LDB2: variants seen among roughly 807,000 people sequenced by gnomAD.
LDB2 encodes LIM domain-binding protein 2.
A neutral mutation model predicts 44.3 loss-of-function variants in LDB2; 12 were observed. That is an observed-to-expected ratio of 0.27 (90% CI 0.17 to 0.44). The LOEUF (loss-of-function observed/expected upper bound fraction) is 0.44, where lower values mean the gene tolerates loss of function less well. Among genes scored for constraint, LDB2 ranks in the 20% least tolerant of loss-of-function variants. The probability of loss-of-function intolerance (pLI) is 1.00; values close to 1 mark genes in which losing one functional copy is unlikely to be tolerated. For synonymous variants in LDB2, 164 were observed against 174.8 expected, an observed-to-expected ratio of 0.94 and a Z score of 0.49; for missense variants, 344 against 473.5, an observed-to-expected ratio of 0.73 and a Z score of 2.54.
At chr4:16,619,872 G>A (rs116419500) in intron 2 of LDB2, among the ~76,000 whole-genome samples, 2,164 of 149,722 alleles carry the variant, frequency 0.014, 50 homozygotes, top group African/African-American at 0.048. Flanking sequence ...TACCAGAGAA[G>A]TTAATATTAA....
At chr4:16,647,229 T>C (rs4698503) in intron 2 of LDB2, among the ~76,000 whole-genome samples, 151,118 of 152,332 alleles carry the variant, frequency 0.99, 74,973 homozygotes, top group Middle Eastern at 1. Context: ...CAGGATGATT[T>C]TGTTTATATG....
At chr4:16,821,646 C>A (rs1318639771) in intron 1 of LDB2, among the ~76,000 whole-genome samples, 1 of 148,078 alleles carries the variant, frequency 6.8e-6, no homozygotes, top group Non-Finnish European at 1.5e-5. Flanking sequence ...ACCTCGGCCT[C>A]CCAAAGTGCT....
chr4:16,739,802 A>T (rs1762869124), intron 2 of LDB2, among the ~76,000 whole-genome samples: 1 of 146,022 alleles, frequency 6.8e-6, no homozygotes, highest in Admixed American at 7.1e-5. Flanking sequence ...ACCTGAATTT[A>T]GATGTTCATA....
intron 1 of LDB2, among the ~76,000 whole-genome samples, chr4:16,866,397 C>T (rs575593811): frequency 3.3e-5 from 5 of 152,150 alleles, no homozygotes; most frequent in African/African-American, 1.2e-4. Context: ...TTTAAGAATG[C>T]ATTTAAGAAA....
intron 2 of LDB2, among the ~76,000 whole-genome samples, chr4:16,681,926 G>A (rs1213509118): frequency 1.3e-5 from 2 of 152,124 alleles, no homozygotes; most frequent in Non-Finnish European, 2.9e-5. Context: ...TTGAGAGCTG[G>A]AGAAATCTCT....
At chr4:16,660,319 A>G (rs1396927157) in intron 2 of LDB2, among the ~76,000 whole-genome samples, 3 of 152,200 alleles carry the variant, frequency 2.0e-5, no homozygotes, top group Non-Finnish European at 2.9e-5. Flanking sequence ...CTGGCCATCA[A>G]GGGGCCTTAG....
At chr4:16,520,709 C>T (rs542998422) in intron 5 of LDB2, among the ~76,000 whole-genome samples, 2 of 152,224 alleles carry the variant, frequency 1.3e-5, no homozygotes, top group East Asian at 1.9e-4. Context: ...GTGATCTTTC[C>T]TGATTTCACT....
At chr4:16,611,255 G>A (rs766956187) in intron 2 of LDB2, among the ~76,000 whole-genome samples, 4 of 152,218 alleles carry the variant, frequency 2.6e-5, no homozygotes, top group East Asian at 1.9e-4. Flanking sequence ...CAGCCACTGC[G>A]AAAACACACC....
intron 1 of LDB2, among the ~76,000 whole-genome samples, chr4:16,806,938 A>G (rs1778902690): frequency 6.6e-6 from 1 of 152,228 alleles, no homozygotes; most frequent in South Asian, 2.1e-4. Flanking sequence ...TAATACACAA[A>G]AAGGACTTAG....
At chr4:16,625,341 G>C (rs1031698182) in intron 2 of LDB2, among the ~76,000 whole-genome samples, 1 of 152,106 alleles carries the variant, frequency 6.6e-6, no homozygotes, top group African/African-American at 2.4e-5. Flanking sequence ...AGGAAATTTG[G>C]AGAAAGGATC....
intron 2 of LDB2, among the ~76,000 whole-genome samples, chr4:16,598,100 CA>C (rs1721501000): frequency 6.6e-6 from 1 of 152,092 alleles, no homozygotes; most frequent in South Asian, 2.1e-4. Flanking sequence ...TTCGGTGCCC[CA>C]AGTAAACCAT....
chr4:16,838,966 T>C (rs10033690), intron 1 of LDB2, among the ~76,000 whole-genome samples: 2,147 of 152,294 alleles, frequency 0.014, 45 homozygotes, highest in African/African-American at 0.048. Context: ...TCTATGTTAG[T>C]GAGAAAGCCT....
At chr4:16,744,239 C>T (rs1440700512) in intron 2 of LDB2, among the ~76,000 whole-genome samples, 3 of 152,124 alleles carry the variant, frequency 2.0e-5, no homozygotes, top group Non-Finnish European at 2.9e-5. Context: ...TCACTGCAAC[C>T]TCTGCCTCCT....
chr4:16,511,708 G>T (rs554068563), intron 6 of LDB2, among the ~76,000 whole-genome samples: 1 of 152,254 alleles, frequency 6.6e-6, no homozygotes, highest in East Asian at 1.9e-4. Context: ...TCTCAGCTTT[G>T]CCAATGACCT....
Position 16,609,744 on chromosome 4 carries a change from T to A in LDB2, c.236-13869A>T, listed in dbSNP as rs116846173. On this transcript the variant is annotated intron_variant, in intron 2 of 7. Transcript: ENST00000304523. ...GGCGGAGGGGGAGAGGTGGCTGCAGTCTCTGCTGACCAGCAGACTTAGCCT... is the reference window on the plus strand; with the variant it reads ...GGCGGAGGGGGAGAGGTGGCTGCAGACTCTGCTGACCAGCAGACTTAGCCT... Among the ~76,000 whole-genome samples, 99 of 152,260 alleles carry A rather than the reference T, an allele frequency of 6.5e-4. No homozygotes were observed. The East Asian group carries it at 0.012, about 18-fold the overall frequency.
chr4:16,813,022 G>C (rs1440511639), intron 1 of LDB2, among the ~76,000 whole-genome samples: 1 of 151,852 alleles, frequency 6.6e-6, no homozygotes, highest in Non-Finnish European at 1.5e-5. Context: ...TTTTGAGACA[G>C]GGTCTTGCTC....
intron 1 of LDB2, among the ~76,000 whole-genome samples, chr4:16,805,164 C>A (rs536192011): frequency 1.3e-5 from 2 of 152,124 alleles, no homozygotes; most frequent in African/African-American, 4.8e-5. Flanking sequence ...ATCATGAAGG[C>A]CTCGCTCCCA....
chr4:16,751,473 C>T (rs537888662), intron 2 of LDB2, among the ~76,000 whole-genome samples: 23 of 152,258 alleles, frequency 1.5e-4, no homozygotes, highest in Admixed American at 7.2e-4. Context: ...ACTTCTGATA[C>T]TATCAATTTG....
intron 5 of LDB2, among the ~76,000 whole-genome samples, chr4:16,564,193 C>T (rs1477216118): frequency 6.6e-6 from 1 of 151,950 alleles, no homozygotes; most frequent in East Asian, 1.9e-4. Context: ...AAATCCAACA[C>T]ATAAAAAAAT....
Sources: gnomAD v4.1 joint callset for allele counts (sites outside exome capture counted in the v4.1 genomes callset) on GRCh38, gnomAD v4.1.1 for gene constraint, MANE v1.5 for transcripts, NCBI Gene and HGNC (gene_info 2026-07-23, HGNC 2026-07-21) for gene names.